The following KCND2 variants were observed in gnomAD, a reference collection of about 807,000 sequenced individuals.
The protein encoded by KCND2 is A-type voltage-gated potassium channel KCND2.
A neutral mutation model predicts 54.4 loss-of-function variants in KCND2; 16 were observed. That is an observed-to-expected ratio of 0.29 (90% CI 0.20 to 0.45). The LOEUF is 0.45. Among genes scored for constraint, KCND2 ranks in the 20% least tolerant of loss-of-function variants. The pLI is 1.00. For synonymous variants in KCND2, 317 were observed against 310.7 expected, an observed-to-expected ratio of 1.02 and a Z score of -0.21; for missense variants, 486 against 824.2, an observed-to-expected ratio of 0.59 and a Z score of 5.02.
At chr7:120,365,193 G>T (rs1486166654) in intron 1 of KCND2, among the ~76,000 whole-genome samples, 3 of 143,734 alleles carry the variant, frequency 2.1e-5, no homozygotes. Flanking sequence ...AAGGAAGGAA[G>T]GGAGGAAAGA....
intron 1 of KCND2, among the ~76,000 whole-genome samples, chr7:120,390,890 A>G (rs1801064182): frequency 6.6e-6 from 1 of 151,992 alleles, no homozygotes; most frequent in Non-Finnish European, 1.5e-5. Context: ...AAGTTTTTTT[A>G]TTGCACTTTT....
chr7:120,297,277 C>G (rs767525225), intron 1 of KCND2, among the ~76,000 whole-genome samples: 1 of 152,082 alleles, frequency 6.6e-6, no homozygotes, highest in Non-Finnish European at 1.5e-5. Context: ...GTACACATTA[C>G]TTAGTTCCCA....
At chr7:120,614,669 A>C (rs1227292124) in intron 1 of KCND2, among the ~76,000 whole-genome samples, 1 of 152,248 alleles carries the variant, frequency 6.6e-6, no homozygotes, top group Admixed American at 6.5e-5. Flanking sequence ...AATGTCTACC[A>C]AGAGATATTA....
At chr7:120,302,445 C>T (rs1026467504) in intron 1 of KCND2, among the ~76,000 whole-genome samples, 21 of 151,818 alleles carry the variant, frequency 1.4e-4, no homozygotes, top group Admixed American at 3.3e-4. Context: ...TATTTTTTGA[C>T]GGGGACGGGG....
intron 1 of KCND2, chr7:120,672,887 G>A (rs182717491): frequency 3.9e-5 from 6 of 152,210 alleles, no homozygotes; most frequent in Admixed American, 3.3e-4. Context: ...GGCAGCACGT[G>A]TACTAATAAT....
At chr7:120,642,959 G>T (rs1405448376) in intron 1 of KCND2, among the ~76,000 whole-genome samples, 2 of 152,100 alleles carry the variant, frequency 1.3e-5, no homozygotes, top group African/African-American at 2.4e-5. Flanking sequence ...TCAACTCTAT[G>T]GAAAGAACTT....
intron 1 of KCND2, among the ~76,000 whole-genome samples, chr7:120,432,229 C>G (rs553378267): frequency 1.3e-5 from 2 of 152,294 alleles, no homozygotes; most frequent in African/African-American, 2.4e-5. Flanking sequence ...TCACTCCCCT[C>G]AAGACATATT....
At chr7:120,459,825 A>G (rs1041718723) in intron 1 of KCND2, among the ~76,000 whole-genome samples, 2 of 152,198 alleles carry the variant, frequency 1.3e-5, no homozygotes, top group Admixed American at 6.5e-5. Flanking sequence ...TTGTATTTCT[A>G]TCCTCATCCC....
intron 1 of KCND2, among the ~76,000 whole-genome samples, chr7:120,684,634 T>C (rs1177881942): frequency 6.6e-6 from 1 of 152,044 alleles, no homozygotes; most frequent in East Asian, 1.9e-4. Flanking sequence ...GCTCCTCGAT[T>C]ACCCTATTAC....
chr7:120,508,243 T>G (rs1401108134), intron 1 of KCND2, among the ~76,000 whole-genome samples: 1 of 152,028 alleles, frequency 6.6e-6, no homozygotes, highest in Non-Finnish European at 1.5e-5. Context: ...GAATATCATG[T>G]TCTTTGCTGA....
At chr7:120,600,471 G>A (rs1792800152) in intron 1 of KCND2, among the ~76,000 whole-genome samples, 1 of 151,926 alleles carries the variant, frequency 6.6e-6, no homozygotes, top group Admixed American at 6.6e-5. Flanking sequence ...AACTTCTGTG[G>A]ACAGAGTATT....
intron 1 of KCND2, among the ~76,000 whole-genome samples, chr7:120,279,646 T>C (rs1799233550): frequency 6.6e-6 from 1 of 151,942 alleles, no homozygotes; most frequent in South Asian, 2.1e-4. Context: ...AAACTTAGCA[T>C]AATTGCCATA....
chr7:120,603,973 C>T lies in KCND2; in HGVS notation c.1116-128930C>T, dbSNP rs544770796. On this transcript the variant is annotated intron_variant, in intron 1 of 5. Transcript: ENST00000331113. ...CAGACCTGGATTCAGGACTGAATCTCACCTCTTGTTGCCTGTCTGTCCTTA... is the reference window on the plus strand; with the variant it reads ...CAGACCTGGATTCAGGACTGAATCTTACCTCTTGTTGCCTGTCTGTCCTTA... Among the ~76,000 whole-genome samples the T allele has an allele frequency of 2.0e-5, 3 of 152,238 alleles. No individual in the cohort carries two copies. The South Asian group carries it at 6.2e-4, about 32-fold the overall frequency.
At chr7:120,561,795 A>G (rs1792237069) in intron 1 of KCND2, among the ~76,000 whole-genome samples, 1 of 151,876 alleles carries the variant, frequency 6.6e-6, no homozygotes, top group Non-Finnish European at 1.5e-5. Context: ...TGTATTTAGT[A>G]GAGACGGGGC....
chr7:120,634,876 T>C (rs1344511699), intron 1 of KCND2, among the ~76,000 whole-genome samples: 1 of 152,142 alleles, frequency 6.6e-6, no homozygotes, highest in African/African-American at 2.4e-5. Context: ...CTGTGGCTGC[T>C]CCCCAGCGTT....
rs539983089 is a variant in KCND2 at position 120,287,460 on chromosome 7, A to G, written c.1115+11713A>G. The stretch of plus-strand genomic sequence containing the variant: ...GGGAACCATGATGTCAGCATTTTCA[A>G]TTCTCACATCAAATATAAGAACCAC... On this transcript the variant is annotated intron_variant, in intron 1 of 5. Coordinates refer to ENST00000331113, the MANE Select transcript of KCND2 (RefSeq NM_012281.3). Among the ~76,000 whole-genome samples the G allele has an allele frequency of 4.6e-5, 7 of 152,234 alleles. No individual in the cohort carries two copies. In the South Asian group the frequency reaches 8.3e-4, roughly 18 times the overall value.
chr7:120,696,389 C>G (rs928280474), intron 1 of KCND2, among the ~76,000 whole-genome samples: 1 of 152,128 alleles, frequency 6.6e-6, no homozygotes, highest in African/African-American at 2.4e-5. Flanking sequence ...AAGATCCTAC[C>G]CAGCATGTAT....
At chr7:120,421,304 T>C (rs946706163) in intron 1 of KCND2, among the ~76,000 whole-genome samples, 7 of 152,158 alleles carry the variant, frequency 4.6e-5, no homozygotes, top group Non-Finnish European at 7.4e-5. Context: ...ACCTCTTCTC[T>C]AGAGATGATG....
At chr7:120,425,438 A>G (rs1188729080) in intron 1 of KCND2, among the ~76,000 whole-genome samples, 1 of 152,248 alleles carries the variant, frequency 6.6e-6, no homozygotes, top group Non-Finnish European at 1.5e-5. Context: ...AGGAATTAAT[A>G]TGTTCAGAAA....
Sources: allele counts gnomAD v4.1 joint callset (sites outside exome capture counted in the v4.1 genomes callset), GRCh38; gene constraint gnomAD v4.1.1; transcripts MANE v1.5; gene names NCBI Gene and HGNC (gene_info 2026-07-23, HGNC 2026-07-21).